The following ZDHHC14 variants were observed in gnomAD, a reference collection of about 807,000 sequenced individuals.
The protein encoded by ZDHHC14 is palmitoyltransferase ZDHHC14.
A neutral mutation model predicts 47.7 loss-of-function variants in ZDHHC14; 16 were observed. The observed-to-expected ratio is 0.34, with a 90% CI of 0.23 to 0.51. The LOEUF is 0.51. ZDHHC14 is among the 20% of genes least tolerant of loss of function. The pLI, the probability that ZDHHC14 is intolerant of heterozygous loss-of-function variation, is 0.97. For missense variants in ZDHHC14, 515 were observed against 662.5 expected (o/e 0.78, Z 2.44); for synonymous variants, 293 against 278.9 (o/e 1.05, Z -0.50).
At chr6:157,385,322 G>A (rs532685130) in intron 1 of ZDHHC14, among the ~76,000 whole-genome samples, 107 of 147,948 alleles carry the variant, frequency 7.2e-4, no homozygotes, top group South Asian at 2.0e-3. Flanking sequence ...GGGCTCAAGC[G>A]ATCTCCTGCT....
At chr6:157,563,238 G>T (rs1163661638) in intron 2 of ZDHHC14, among the ~76,000 whole-genome samples, 1 of 152,188 alleles carries the variant, frequency 6.6e-6, no homozygotes, top group African/African-American at 2.4e-5. Context: ...GCCCTCCCAG[G>T]AAACACCACG....
chr6:157,446,343 A>G (rs1376710816), intron 1 of ZDHHC14, among the ~76,000 whole-genome samples: 3 of 151,894 alleles, frequency 2.0e-5, no homozygotes, highest in African/African-American at 7.3e-5. Context: ...CAATTTCCTC[A>G]TCACAGATGT....
At chr6:157,624,408 A>G (rs1785321579) in intron 3 of ZDHHC14, among the ~76,000 whole-genome samples, 1 of 152,186 alleles carries the variant, frequency 6.6e-6, no homozygotes, top group Non-Finnish European at 1.5e-5. Flanking sequence ...AATGGCAATC[A>G]AGCTGACTGA....
intron 1 of ZDHHC14, among the ~76,000 whole-genome samples, chr6:157,440,566 A>C (rs2114791445): frequency 6.6e-6 from 1 of 152,358 alleles, no homozygotes; most frequent in East Asian, 1.9e-4. Flanking sequence ...GAATATACCC[A>C]AAACAATTGA....
chr6:157,620,786 TCTGGCACAGCAACCA>T (rs754488192), intron 3 of ZDHHC14, among the ~76,000 whole-genome samples: 50 of 152,334 alleles, frequency 3.3e-4, no homozygotes, highest in South Asian at 1.0e-3. Flanking sequence ...CTCAGGGCAC[TCTGGCACAGCAACCA>T]GCAGAGAATT....
At chr6:157,619,838 T>C (rs945347297) in intron 3 of ZDHHC14, among the ~76,000 whole-genome samples, 3 of 152,236 alleles carry the variant, frequency 2.0e-5, no homozygotes. Flanking sequence ...TGCATTAGAT[T>C]TTCCCGCTCA....
At chr6:157,523,925 T>A (rs1781059876) in intron 1 of ZDHHC14, among the ~76,000 whole-genome samples, 1 of 151,112 alleles carries the variant, frequency 6.6e-6, no homozygotes, top group South Asian at 2.1e-4. Flanking sequence ...CACTGGTAAA[T>A]GTTTCTCTCT....
chr6:157,465,019 G>T (rs987515585), intron 1 of ZDHHC14, among the ~76,000 whole-genome samples: 3 of 151,520 alleles, frequency 2.0e-5, no homozygotes, highest in Non-Finnish European at 2.9e-5. Context: ...TCTGTCACAT[G>T]CAAGTTCTGG....
intron 1 of ZDHHC14, among the ~76,000 whole-genome samples, chr6:157,518,458 G>T (rs938601371): frequency 8.5e-5 from 13 of 152,274 alleles, no homozygotes; most frequent in Non-Finnish European, 1.5e-4. Flanking sequence ...GCCAGAGTCA[G>T]TGTGTGGTGG....
At chr6:157,625,502 AGAAAGACAGTCCATG>A (rs1250260616) in intron 3 of ZDHHC14, among the ~76,000 whole-genome samples, 5 of 152,120 alleles carry the variant, frequency 3.3e-5, no homozygotes, top group Non-Finnish European at 5.9e-5. Context: ...CCAGTGAGAG[AGAAAGACAGTCCATG>A]GAAAAGAGAC....
chr6:157,392,284 G>A (rs1177190554), intron 1 of ZDHHC14, among the ~76,000 whole-genome samples: 1 of 152,196 alleles, frequency 6.6e-6, no homozygotes. Context: ...CTTATGATGA[G>A]TGAGGTACTT....
At chr6:157,629,259 C>T (rs1785563927) in intron 4 of ZDHHC14, 1 of 152,158 alleles carries the variant, frequency 6.6e-6, no homozygotes, top group Non-Finnish European at 1.5e-5. Flanking sequence ...AGTGAATTTG[C>T]CTTGAGTTAT....
chr6:157,417,401 C>T (rs1056396104), intron 1 of ZDHHC14, among the ~76,000 whole-genome samples: 2 of 46,124 alleles, frequency 4.3e-5, no homozygotes, highest in Non-Finnish European at 1.3e-4. Context: ...AATCACGTAT[C>T]GTGGACATTT....
At chr6:157,540,297 AC>A (rs1781698617) in intron 1 of ZDHHC14, among the ~76,000 whole-genome samples, 1 of 152,154 alleles carries the variant, frequency 6.6e-6, no homozygotes, top group Middle Eastern at 3.2e-3. Flanking sequence ...GAAGATCCCA[AC>A]CCTGCAGAGA....
intron 3 of ZDHHC14, among the ~76,000 whole-genome samples, chr6:157,611,791 C>T (rs1315729151): frequency 1.3e-5 from 2 of 152,182 alleles, no homozygotes; most frequent in East Asian, 3.8e-4. Flanking sequence ...ATCTGACTTT[C>T]CCTGTTTGTG....
chr6:157,646,693 A>T (rs1009322809), intron 6 of ZDHHC14, among the ~76,000 whole-genome samples: 1 of 152,080 alleles, frequency 6.6e-6, no homozygotes, highest in Non-Finnish European at 1.5e-5. Flanking sequence ...CTTTATACTT[A>T]GATTTTGATA....
chr6:157,667,617 T>TAA (rs11429657), intron 8 of ZDHHC14, among the ~76,000 whole-genome samples: 144 of 144,214 alleles, frequency 1.0e-3, no homozygotes, highest in African/African-American at 1.3e-3. Flanking sequence ...AGCAAAGGTT[T>TAA]AAAAAAAAAA....
At chr6:157,391,110 C>A (rs556688578) in intron 1 of ZDHHC14, among the ~76,000 whole-genome samples, 2 of 152,330 alleles carry the variant, frequency 1.3e-5, no homozygotes, top group East Asian at 1.9e-4. Flanking sequence ...TTTGAAGGCA[C>A]AATCAGGACT....
intron 5 of ZDHHC14, among the ~76,000 whole-genome samples, chr6:157,643,808 A>C (rs1777382454): frequency 6.6e-6 from 1 of 151,280 alleles, no homozygotes; most frequent in African/African-American, 2.4e-5. Flanking sequence ...TGGGATTGTC[A>C]CTGCTCGTAC....
Sources: allele counts gnomAD v4.1 joint callset (sites outside exome capture counted in the v4.1 genomes callset), GRCh38; gene constraint gnomAD v4.1.1; transcripts MANE v1.5; gene names NCBI Gene and HGNC (gene_info 2026-07-23, HGNC 2026-07-21).